The following CEP83 variants were observed in gnomAD, a reference collection of about 807,000 sequenced individuals.
The protein encoded by CEP83 is centrosomal protein of 83 kDa.
Under a neutral mutation model 101.9 loss-of-function variants are expected in CEP83, and 70 were observed. That is an observed-to-expected ratio of 0.69 (90% confidence interval 0.57 to 0.84). The LOEUF (loss-of-function observed/expected upper bound fraction) is 0.84, where lower values mean the gene tolerates loss of function less well. Among genes scored for constraint, CEP83 ranks in the 40% least tolerant of loss-of-function variants. The probability of loss-of-function intolerance (pLI) is 0.00; values close to 1 mark genes in which losing one functional copy is unlikely to be tolerated. For synonymous variants in CEP83, 264 were observed against 267.9 expected, an observed-to-expected ratio of 0.99 and a Z score of 0.14; for missense variants, 715 against 787.2, an observed-to-expected ratio of 0.91 and a Z score of 1.10.
rs1048652347 is a variant in CEP83, at chr12:94,414,150, G to A, written c.-101-1559C>T. 4.6e-5 allele frequency among the ~76,000 whole-genome samples: 7 copies of A among 152,210 alleles called. No homozygotes were observed. The South Asian group carries it at 8.3e-4, about 18-fold the overall frequency. ...TACTCCTTACTCTTAGATTTAACAC[G>A]CACTGGGATTCAATCTTTGTAAATA... On this transcript the variant is annotated intron_variant, in intron 2 of 16. Coordinates refer to ENST00000397809, the MANE Select transcript of CEP83 (RefSeq NM_016122.3).
At chr12:94,428,298 G>A (rs2065360061) in intron 2 of CEP83, among the ~76,000 whole-genome samples, 1 of 152,090 alleles carries the variant, frequency 6.6e-6, no homozygotes, top group Non-Finnish European at 1.5e-5. Context: ...CAATAACATG[G>A]GGACTTTCCA....
intron 11 of CEP83, among the ~76,000 whole-genome samples, chr12:94,362,397 A>G (rs1220843922): frequency 1.3e-5 from 2 of 152,194 alleles, no homozygotes; most frequent in African/African-American, 4.8e-5. Flanking sequence ...AGGCAGGTGG[A>G]TCACTTGAGG....
chr12:94,386,530 T>C (rs2062159145), intron 6 of CEP83, among the ~76,000 whole-genome samples: 1 of 152,218 alleles, frequency 6.6e-6, no homozygotes, highest in Non-Finnish European at 1.5e-5. Flanking sequence ...ATTTAGGTTT[T>C]TTATCTCTGC....
At chr12:94,270,717 A>T in the CEP83 span, among the ~76,000 whole-genome samples, 1 of 152,174 alleles carries the variant, frequency 6.6e-6, no homozygotes, top group African/African-American at 2.4e-5. Context: ...GCAAGTATAG[A>T]AAAATTGGTG....
Position 94,457,977 on chromosome 12 carries a change from G to A in CEP83, c.-155+1580C>T, listed in dbSNP as rs141105196. On this transcript the variant is annotated intron_variant, in intron 1 of 16. Coordinates refer to ENST00000397809, the MANE Select transcript of CEP83 (RefSeq NM_016122.3). ...TTTGGGAGGTCAAGGTGGGCAGATC[G>A]CCTGAAGTCAGGAGTTCGTGACCAG... is the stretch of plus-strand genomic sequence containing the variant. Among the ~76,000 whole-genome samples, 405 of 151,904 alleles carry A rather than the reference G, an allele frequency of 2.7e-3. 3 individuals are homozygous for A. The highest frequency in any genetic ancestry group is 9.3e-3 in the African/African-American group (386 of 41,450).
the CEP83 span, among the ~76,000 whole-genome samples, chr12:94,274,634 C>T: frequency 6.6e-6 from 1 of 152,244 alleles, no homozygotes; most frequent in Non-Finnish European, 1.5e-5. Context: ...CATTTCACAG[C>T]TCTTTAGCCT....
At chr12:94,376,360 A>G (rs971159900) in intron 7 of CEP83, among the ~76,000 whole-genome samples, 17 of 152,148 alleles carry the variant, frequency 1.1e-4, no homozygotes, top group Admixed American at 1.0e-3. Flanking sequence ...GGAAGTTTCC[A>G]GTCTATAACA....
chr12:94,419,732 G>A lies in CEP83; in HGVS notation c.-101-7141C>T, dbSNP rs140738894. On this transcript the variant is annotated intron_variant, in intron 2 of 16. Coordinates refer to ENST00000397809, the MANE Select transcript of CEP83 (RefSeq NM_016122.3). ...GATAATTTAGAACAAAGGTGGTTTT[G>A]CTGAACCGTAAGGAGAAGAGAGTCT... Among the ~76,000 whole-genome samples the A allele has an allele frequency of 9.2e-4, 140 of 152,198 alleles. 1 individual carries two copies. Among genetic ancestry groups the A allele is most frequent in the East Asian group, 5.0e-3 (26 of 5,184 alleles).
At chr12:94,424,531 C>A in intron 2 of CEP83, 3 of 1,613,664 alleles carry the variant, frequency 1.9e-6, no homozygotes, top group South Asian at 2.2e-5. Flanking sequence ...CCTGCTCATC[C>A]ATTGACAGTG....
chr12:94,333,793 G>A, intron 12 of CEP83, 154 bp from the exon 13 acceptor site: 1 of 607,590 alleles, frequency 1.6e-6, no homozygotes, highest in Non-Finnish European at 2.8e-6. Context: ...ACAAATAGCA[G>A]CACCCAGGAG....
intron 6 of CEP83, among the ~76,000 whole-genome samples, chr12:94,397,687 C>A (rs1245026050): frequency 6.6e-6 from 1 of 152,114 alleles, no homozygotes; most frequent in Non-Finnish European, 1.5e-5. Flanking sequence ...AGATAAGTAT[C>A]ATCATTAGAT....
At chr12:94,333,143 C>CA (rs1464436546) in intron 13 of CEP83, among the ~76,000 whole-genome samples, 1 of 142,600 alleles carries the variant, frequency 7.0e-6, no homozygotes, top group Admixed American at 7.0e-5. Context: ...AAAAACAAAA[C>CA]AAAAAACCCA....
intron 11 of CEP83, among the ~76,000 whole-genome samples, chr12:94,356,224 A>G (rs761647546): frequency 3.2e-4 from 48 of 152,182 alleles, no homozygotes; most frequent in Non-Finnish European, 2.1e-4. Context: ...CAGGGTAACA[A>G]TGGGATAGGT....
chr12:94,267,427 T>C, the CEP83 span, among the ~76,000 whole-genome samples: 4 of 152,258 alleles, frequency 2.6e-5, 1 homozygote, highest in Non-Finnish European at 5.9e-5. Flanking sequence ...ATCATAATGT[T>C]ACTTGATGCT....
intron 6 of CEP83, among the ~76,000 whole-genome samples, chr12:94,392,796 C>A (rs933897750): frequency 6.6e-6 from 1 of 152,104 alleles, no homozygotes; most frequent in East Asian, 1.9e-4. Context: ...AAGGGGATAT[C>A]GCCACCGATC....
intron 14 of CEP83, among the ~76,000 whole-genome samples, chr12:94,319,438 G>T (rs1971256031): frequency 6.6e-6 from 1 of 151,974 alleles, no homozygotes; most frequent in African/African-American, 2.4e-5. Context: ...GTTTTCTCTT[G>T]GTCCTCTCAT....
the CEP83 span, among the ~76,000 whole-genome samples, chr12:94,269,619 C>T: frequency 2.6e-5 from 4 of 152,316 alleles, no homozygotes; most frequent in African/African-American, 9.6e-5. Context: ...TTAAGTCATT[C>T]TCTGTTACTT....
intron 11 of CEP83, among the ~76,000 whole-genome samples, chr12:94,355,307 C>T (rs1434663108): frequency 6.6e-6 from 1 of 152,076 alleles, no homozygotes. Flanking sequence ...TCCTGGCTAA[C>T]ACCGTGAAAC....
chr12:94,308,969 T>C, intron 16 of CEP83, 52 bp from the exon 17 acceptor site: 1 of 1,299,406 alleles, frequency 7.7e-7, no homozygotes, highest in South Asian at 1.2e-5. Context: ...GAAAAACTGT[T>C]AGGTAGCAAC....
Sources: allele counts gnomAD v4.1 joint callset (sites outside exome capture counted in the v4.1 genomes callset), GRCh38; gene constraint gnomAD v4.1.1; transcripts MANE v1.5; gene names NCBI Gene and HGNC (gene_info 2026-07-23, HGNC 2026-07-21).